DIXDC1: variants seen among roughly 807,000 people sequenced by gnomAD.
DIXDC1 encodes the protein dixin.
A neutral mutation model predicts 103.1 loss-of-function variants in DIXDC1; 64 were observed. The observed-to-expected ratio is 0.62, with a 90% CI of 0.51 to 0.76. The LOEUF (loss-of-function observed/expected upper bound fraction) is 0.76, where lower values mean the gene tolerates loss of function less well. DIXDC1 is among the 30% of genes least tolerant of loss of function. The probability of loss-of-function intolerance (pLI) is 0.00; values close to 1 mark genes in which losing one functional copy is unlikely to be tolerated. For synonymous variants in DIXDC1, 266 were observed against 298.5 expected (o/e 0.89, Z 1.12); for missense variants, 759 against 834.2 (o/e 0.91, Z 1.11).
Position 111,993,742 on chromosome 11 carries a change from T to C in DIXDC1, c.1437+2T>C. The C allele has an allele frequency of 1.2e-6, 2 of 1,613,800 alleles. No homozygotes were observed. Among genetic ancestry groups the C allele is most frequent in the Non-Finnish European group, 1.7e-6 (2 of 1,179,802 alleles). ...TGTATGAAAAGAGAGGCAGATGAGG[T>C]AACCTAGACCCCGTGTTCTCCCTCC... is the stretch of plus-strand genomic sequence containing the variant. On this transcript the variant is annotated splice_donor_variant, in intron 14 of 19. Transcript: ENST00000440460. LOFTEE classifies it high-confidence loss of function.
intron 6 of DIXDC1, among the ~76,000 whole-genome samples, chr11:111,981,518 G>C (rs937158404): frequency 6.6e-6 from 1 of 152,216 alleles, no homozygotes; most frequent in Non-Finnish European, 1.5e-5. Context: ...TAGTACCAAA[G>C]AGTCAGTCAT....
chr11:111,937,234 G>C (rs1471136213), upstream of DIXDC1: 11 of 1,183,220 alleles, frequency 9.3e-6, no homozygotes, highest in South Asian at 7.4e-5. Context: ...GGGGCAGCCC[G>C]GCAGCGCCGC....
intron 2 of DIXDC1, among the ~76,000 whole-genome samples, chr11:111,967,713 C>T (rs76111628): frequency 0.042 from 6,367 of 152,294 alleles, 441 homozygotes; most frequent in African/African-American, 0.14. Context: ...ATTACGGGCG[C>T]GGGCGTAAGC....
chr11:112,013,655 T>G (rs1483543309), intron 17 of DIXDC1, among the ~76,000 whole-genome samples: 2 of 152,158 alleles, frequency 1.3e-5, no homozygotes, highest in Non-Finnish European at 2.9e-5. Context: ...ACTATATCCC[T>G]AGTACTAAGA....
At chr11:111,934,958 T>G (rs1368098368), upstream of DIXDC1, among the ~76,000 whole-genome samples, 1 of 152,232 alleles carries the variant, frequency 6.6e-6, no homozygotes, top group African/African-American at 2.4e-5. Flanking sequence ...GTAGTTCAAG[T>G]GCTCAGTAGC....
intron 10 of DIXDC1, among the ~76,000 whole-genome samples, chr11:111,990,090 T>TCCTAGAGGCATCTTAACAG: frequency 9.5e-6 from 1 of 105,694 alleles, no homozygotes; most frequent in East Asian, 2.4e-4. Context: ...GCGCCCGGCC[T>TCCTAGAGGCATCTTAACAG]TTTTTTTTTT....
chr11:111,943,490 T>C (rs1451041891), intron 1 of DIXDC1, among the ~76,000 whole-genome samples: 2 of 132,448 alleles, frequency 1.5e-5, no homozygotes, highest in Admixed American at 7.0e-5. Context: ...TTTCTCTCTT[T>C]TTTTTTTTTT....
chr11:111,954,913 C>T (rs909976745), intron 1 of DIXDC1, among the ~76,000 whole-genome samples: 6 of 151,990 alleles, frequency 3.9e-5, no homozygotes, highest in African/African-American at 1.2e-4. Flanking sequence ...TATATATACA[C>T]ACACAACACA....
intron 17 of DIXDC1, among the ~76,000 whole-genome samples, chr11:112,003,624 C>G (rs1196557893): frequency 6.6e-6 from 1 of 151,732 alleles, no homozygotes; most frequent in Admixed American, 6.6e-5. Flanking sequence ...CATGGAGAAA[C>G]CCTGTCTCTA....
At chr11:112,018,344 G>A (rs1339177425) in intron 19 of DIXDC1, among the ~76,000 whole-genome samples, 1 of 152,166 alleles carries the variant, frequency 6.6e-6, no homozygotes, top group Non-Finnish European at 1.5e-5. Flanking sequence ...CTTAGCCTAC[G>A]CGTCTCTTTA....
At position 111,937,431 on chromosome 11, in the gene DIXDC1, A is replaced by T; in HGVS notation, c.-69A>T. 1 of 1,543,406 alleles carries T rather than the reference A, an allele frequency of 6.5e-7. No individual in the cohort carries two copies. The highest frequency in any genetic ancestry group is 8.7e-7 in the Non-Finnish European group (1 of 1,144,132). ...CTGAGCCGAGAGCCTTTGTGTGCAG[A>T]GGGAGGAGGAGGAGGCGGCGGCGGC... On this transcript the variant is annotated 5_prime_UTR_variant, in exon 1 of 20. Transcript: ENST00000440460.
At chr11:111,929,775 C>A in intron 1 of DIXDC1, 2 of 1,229,996 alleles carry the variant, frequency 1.6e-6, no homozygotes, top group South Asian at 1.6e-5. Context: ...TTTTTTTTTT[C>A]CTGGCTTGTT....
intron 5 of DIXDC1, among the ~76,000 whole-genome samples, chr11:111,980,075 C>G (rs1160942665): frequency 6.6e-6 from 1 of 152,214 alleles, no homozygotes; most frequent in Non-Finnish European, 1.5e-5. Context: ...AACCCTTACT[C>G]CACTATTCCT....
intron 17 of DIXDC1, among the ~76,000 whole-genome samples, chr11:112,012,234 A>G (rs1297228617): frequency 1.3e-5 from 2 of 152,204 alleles, no homozygotes; most frequent in Non-Finnish European, 2.9e-5. Context: ...GAATAAGGGG[A>G]CTAGAATTAA....
Position 111,937,485 on chromosome 11 carries a change from C to A in DIXDC1, c.-15C>A, listed in dbSNP as rs782525581. On this transcript the variant is annotated 5_prime_UTR_variant, in exon 1 of 20. Coordinates refer to ENST00000440460, the MANE Select transcript of DIXDC1 (RefSeq NM_001037954.4). ...CGGGCTGGAGACCCCGCCCGGGGAG[C>A]CCCCAGCAGGAACAATGCTAGCCTG... 3.8e-6 allele frequency: 6 copies of A among 1,574,354 alleles called. No individual in the cohort carries two copies. The Admixed American group carries it at 7.4e-5, about 19-fold the overall frequency.
intron 1 of DIXDC1, among the ~76,000 whole-genome samples, chr11:111,943,092 C>T (rs1196673238): frequency 1.3e-5 from 2 of 150,856 alleles, no homozygotes; most frequent in Non-Finnish European, 2.9e-5. Context: ...TTTCATCACA[C>T]TACTCAGAGT....
chr11:111,948,888 A>G (rs3853772), intron 1 of DIXDC1, among the ~76,000 whole-genome samples: 1 of 151,940 alleles, frequency 6.6e-6, no homozygotes, highest in South Asian at 2.1e-4. Flanking sequence ...GCATCATGAT[A>G]CCTCCCATTT....
rs1592562850 is a variant in DIXDC1 at position 111,956,909 on chromosome 11, G to T, written c.61-7640G>T. On this transcript the variant is annotated intron_variant, in intron 1 of 19. Coordinates refer to ENST00000440460, the MANE Select transcript of DIXDC1 (RefSeq NM_001037954.4). The stretch of plus-strand genomic sequence containing the variant: ...GGGCCAGGCATGGGAGTTCATGCGT[G>T]TAATCCCAGCACTTTGGGAGGCTGA... 2.0e-5 allele frequency among the ~76,000 whole-genome samples: 3 copies of T among 152,206 alleles called. No individual in the cohort carries two copies. The South Asian group carries it at 6.2e-4, about 32-fold the overall frequency.
At chr11:111,997,731 C>A (rs1860947751) in intron 17 of DIXDC1, among the ~76,000 whole-genome samples, 1 of 151,880 alleles carries the variant, frequency 6.6e-6, no homozygotes, top group South Asian at 2.1e-4. Flanking sequence ...ACAATAAATT[C>A]CCCCCCAAAA....
Sources: gnomAD v4.1 joint callset for allele counts (sites outside exome capture counted in the v4.1 genomes callset) on GRCh38, gnomAD v4.1.1 for gene constraint, MANE v1.5 for transcripts, NCBI Gene and HGNC (gene_info 2026-07-23, HGNC 2026-07-21) for gene names.